PRC1: variants seen among roughly 807,000 people sequenced by gnomAD.
PRC1 encodes the protein anaphase spindle elongation 1 homolog.
In PRC1, 54 loss-of-function variants were observed where a neutral mutation model predicts 91.2. The ratio of observed to expected loss-of-function variants is 0.59; its 90% CI spans 0.48 to 0.74. The LOEUF (loss-of-function observed/expected upper bound fraction) is 0.74. PRC1 is among the 30% of genes least tolerant of loss of function. The pLI is 0.00. For missense variants in PRC1, 727 were observed against 746.2 expected, an observed-to-expected ratio of 0.97 and a Z score of 0.30; for synonymous variants, 275 against 263.6, an observed-to-expected ratio of 1.04 and a Z score of -0.42.
chr15:90,972,591 T>C (rs2038253676), intron 11 of PRC1, among the ~76,000 whole-genome samples: 1 of 151,260 alleles, frequency 6.6e-6, no homozygotes, highest in Non-Finnish European at 1.5e-5. Flanking sequence ...AATACAATAT[T>C]AGCCGGGTGT....
chr15:90,981,591 T>C lies in PRC1; in HGVS notation c.580A>G (p.Thr194Ala), dbSNP rs767529834. The change falls in exon 5 of 15, where the codon ACA (threonine) becomes GCA (alanine). Residue 194 changes from threonine (T) to alanine (A), a missense_variant. Coordinates refer to ENST00000394249, the MANE Select transcript of PRC1 (RefSeq NM_003981.4). ...CACACCACATCTCTTTCAAAGCTTG[T>C]GTCTGGGGTGTGGTCTAATGCTTCC... ...CMEALDHTPD[T>A]SFERDVVCED... 7 of 1,614,044 alleles carry C rather than the reference T, an allele frequency of 4.3e-6. No individual in the cohort carries two copies. The highest frequency in any genetic ancestry group is 5.9e-6 in the Non-Finnish European group (7 of 1,179,966).
rs1483057624 is a variant in PRC1, at chr15:90,976,679, G to A, written c.1200C>T (p.Pro400=). The change falls in exon 9 of 15, where the codon CCC becomes CCT. Residue 400 remains proline (P), a synonymous_variant. Transcript: ENST00000394249. ...AAACCCTTAGCAACATTATTACCTT[G>A]GGCAGCATTTTCTGGAGCTTGGCTC... The part of the protein sequence containing the change: ...KQRAKLQKML[P]KLEEELKARI... The A allele has an allele frequency of 3.7e-6, 6 of 1,606,640 alleles. No homozygotes were observed. The highest frequency in any genetic ancestry group is 5.1e-6 in the Non-Finnish European group (6 of 1,173,566).
chr15:90,982,184 T>C lies in PRC1; in HGVS notation c.268-203A>G, dbSNP rs11855081. The C allele has an allele frequency of 0.074, 43,617 of 589,790 alleles. 3,629 individuals are homozygous for C. The highest frequency in any genetic ancestry group is 0.32 in the African/African-American group (16,925 of 53,646). 36.5% of individuals were successfully genotyped at this position (589,790 alleles called of 1,614,324 possible). A position where few individuals can be genotyped will look rare whatever the true frequency, so the allele number is the denominator to read the frequency against. On this transcript the variant is annotated intron_variant, in intron 3 of 14. Coordinates refer to ENST00000394249, the MANE Select transcript of PRC1 (RefSeq NM_003981.4). ...AAGTGAGTAAGTACCAGGGTACTTT[T>C]CCCCCCAATTTTAAAACTTGTGGTA...
In PRC1 at chr15:90,966,733, A is replaced by C. The variant is rs546281310; in HGVS notation, c.*398T>G. The C allele has an allele frequency of 6.7e-6, 3 of 445,966 alleles. No homozygotes were observed. Among genetic ancestry groups the C allele is most frequent in the South Asian group, 4.8e-5 (3 of 62,790 alleles). The allele number at this position is 445,966 out of a possible 1,614,324, so 27.6% of individuals were successfully genotyped here. A position where few individuals can be genotyped will look rare whatever the true frequency, so the allele number is the denominator to read the frequency against. ...TTAATTGAACATGCCTAAACAAAAAAGATGTTAATTACTAGTTACAGGTAT... is the reference window on the plus strand; with the variant it reads ...TTAATTGAACATGCCTAAACAAAAACGATGTTAATTACTAGTTACAGGTAT... On this transcript the variant is annotated 3_prime_UTR_variant, in exon 15 of 15. Coordinates refer to ENST00000394249, the MANE Select transcript of PRC1 (RefSeq NM_003981.4).
chr15:90,984,903 A>C lies in PRC1; in HGVS notation c.12-78T>G. 6.4e-7 allele frequency: 1 copy of C among 1,554,382 alleles called. No homozygotes were observed. The highest frequency in any genetic ancestry group is 8.7e-7 in the Non-Finnish European group (1 of 1,148,460). On this transcript the variant is annotated intron_variant, in intron 1 of 14. Transcript: ENST00000394249. This position sits in a 1 kb window ranked among gnomAD's most constrained non-coding sequence, Gnocchi z 5.1. Reference sequence around the variant, plus strand: ...TAAAAGCACTATTTTCGAGAACTAAAAAGACTAGCTTCTCAGTGGCCTCGA... The same window carrying C: ...TAAAAGCACTATTTTCGAGAACTAACAAGACTAGCTTCTCAGTGGCCTCGA...
chr15:90,975,632 T>G (rs1486566196), intron 9 of PRC1, among the ~76,000 whole-genome samples: 2 of 152,176 alleles, frequency 1.3e-5, no homozygotes, highest in Non-Finnish European at 2.9e-5. Flanking sequence ...AATTCAAATG[T>G]TGAAGCCTTA....
chr15:90,968,548 GA>G lies in PRC1; in HGVS notation c.1791+530del, dbSNP rs2037748249. ...ATACTAGGAAGTGAAGAGCATTCTG[GA>G]AAAACTTGCTTCCAGTGCTTCATCT... On this transcript the variant is annotated intron_variant, in intron 14 of 14. Transcript: ENST00000394249. The G allele has an allele frequency of 4.0e-6, 4 of 991,034 alleles. No homozygotes were observed. The South Asian group carries it at 1.8e-4, about 45-fold the overall frequency. The allele number at this position is 991,034 out of a possible 1,614,324, so 61.4% of individuals were successfully genotyped here.
chr15:90,966,090 A>G lies in PRC1; in HGVS notation c.*1041T>C, dbSNP rs1355414501. 1 of 152,338 alleles carries G rather than the reference A, an allele frequency of 6.6e-6. No individual in the cohort carries two copies. Among genetic ancestry groups the G allele is most frequent in the African/African-American group, 2.4e-5 (1 of 41,470 alleles). 9.4% of individuals were successfully genotyped at this position (152,338 alleles called of 1,614,324 possible). ...TTAATTTATTTTTAAGAATAATTGT[A>G]TATTTTAAAAACAGGACACGTACTG... On this transcript the variant is annotated 3_prime_UTR_variant, in exon 15 of 15. Coordinates refer to ENST00000394249, the MANE Select transcript of PRC1 (RefSeq NM_003981.4).
At position 90,972,260 on chromosome 15, in the gene PRC1, G is replaced by GTC. The variant is rs549999310; in HGVS notation, c.1462-1747_1462-1746insGA. ...TAGCCGGGTATGGTGGCATGTGCCC[G>GTC]TAAGTCTCAGCTACATGGGAGGCTG... On this transcript the variant is annotated intron_variant, in intron 11 of 14. Coordinates refer to ENST00000394249, the MANE Select transcript of PRC1 (RefSeq NM_003981.4). Among the ~76,000 whole-genome samples the GTC allele has an allele frequency of 3.3e-5, 5 of 149,920 alleles. No individual in the cohort carries two copies. The South Asian group carries it at 1.1e-3, about 32-fold the overall frequency.
intron 14 of PRC1, chr15:90,968,381 A>T (rs2037727025): frequency 1.0e-6 from 1 of 985,388 alleles, no homozygotes; most frequent in Admixed American, 6.2e-5. Context: ...AGCAATTAAG[A>T]GGGGAGGCAG....
rs1567186201 is a variant in PRC1, at chr15:90,974,456, C to CGGCTCCCCGTTCCACAAGCCCCGGTCCCT, written c.1350+128_1350+129insAGGGACCGGGGCTTGTGGAACGGGGAGCC. On this transcript the variant is annotated intron_variant, in intron 10 of 14. Coordinates refer to ENST00000394249, the MANE Select transcript of PRC1 (RefSeq NM_003981.4). The surrounding 1 kb of genome is among the most constrained non-coding windows in gnomAD (Gnocchi z 4.6). Reference sequence around the variant, plus strand: ...TCCCCGTTCCACAAGCCCCGGTCCCCGGCTTCCCGTTCCACAAGCCCCGGT... The same window carrying CGGCTCCCCGTTCCACAAGCCCCGGTCCCT: ...TCCCCGTTCCACAAGCCCCGGTCCCCGGCTCCCCGTTCCACAAGCCCCGGTCCCTGGCTTCCCGTTCCACAAGCCCCGGT... 9.4e-6 allele frequency: 13 copies of CGGCTCCCCGTTCCACAAGCCCCGGTCCCT among 1,375,934 alleles called. No homozygotes were observed. In the African/African-American group the frequency reaches 1.7e-4, roughly 18 times the overall value. The allele number at this position is 1,375,934 out of a possible 1,614,324, so 85.2% of individuals were successfully genotyped here. A position where few individuals can be genotyped will look rare whatever the true frequency, so the allele number is the denominator to read the frequency against.
chr15:90,969,153 A>T lies in PRC1; in HGVS notation c.1750-33T>A, dbSNP rs779223529. ...CAAAGAATTAAGACAATTACCAAGAACTCCACCAAGAGAGCACCAGGACAG... is the reference window on the plus strand; with the variant it reads ...CAAAGAATTAAGACAATTACCAAGATCTCCACCAAGAGAGCACCAGGACAG... On this transcript the variant is annotated intron_variant, in intron 13 of 14. Transcript: ENST00000394249. 4 of 1,590,194 alleles carry T rather than the reference A, an allele frequency of 2.5e-6. No homozygotes were observed. The African/African-American group carries it at 5.4e-5, about 21-fold the overall frequency.
chr15:90,978,668 A>G (rs7167128), intron 8 of PRC1, among the ~76,000 whole-genome samples: 80,535 of 149,844 alleles, frequency 0.54, 26,214 homozygotes, highest in East Asian at 0.99. Context: ...TAGGAGAATC[A>G]CTTCAACCTG....
At chr15:90,989,676 GA>G (rs559111488) in intron 1 of PRC1, among the ~76,000 whole-genome samples, 19 of 144,498 alleles carry the variant, frequency 1.3e-4, no homozygotes, top group South Asian at 4.3e-4. Flanking sequence ...GCCAAAAAGT[GA>G]AAAAAAAAAT....
intron 11 of PRC1, chr15:90,973,092 G>A (rs889802020): frequency 6.6e-6 from 1 of 152,340 alleles, no homozygotes; most frequent in African/African-American, 2.4e-5. Flanking sequence ...ATCTCTGCAG[G>A]ACAGAGGGCA....
rs141375041 is a variant in PRC1, at chr15:90,973,799, G to C, written c.1461+337C>G. ...TTCCCTTGAACTTATTTGTGACACA[G>C]ATTCCTTTGCTCACGTTTTCCTGCT... On this transcript the variant is annotated intron_variant, in intron 11 of 14. Transcript: ENST00000394249. Among the ~76,000 whole-genome samples the C allele has an allele frequency of 3.9e-3, 588 of 152,174 alleles. 8 individuals carry two copies. The highest frequency in any genetic ancestry group is 0.014 in the African/African-American group (566 of 41,516).
rs192638360 is a variant in PRC1 at position 90,966,921 on chromosome 15, A to C, written c.*210T>G. ...TTCTTGCCATAAACTTTTCATGTAT[A>C]TAAGTCAAAACCAAGTCTCCTAGGA... On this transcript the variant is annotated 3_prime_UTR_variant, in exon 15 of 15. Coordinates refer to ENST00000394249, the MANE Select transcript of PRC1 (RefSeq NM_003981.4). 6.8e-6 allele frequency: 4 copies of C among 585,750 alleles called. No homozygotes were observed. Among genetic ancestry groups the C allele is most frequent in the Non-Finnish European group, 1.2e-5 (4 of 329,144 alleles). 36.3% of individuals were successfully genotyped at this position (585,750 alleles called of 1,614,324 possible).
At chr15:90,967,306 TTC>T (rs2037590040) in intron 14 of PRC1, 104 bp from the exon 15 acceptor site, 1 of 898,006 alleles carries the variant, frequency 1.1e-6, no homozygotes, top group Non-Finnish European at 1.8e-6. Context: ...TGAAGGTAGT[TTC>T]TCTGAGATCC....
At position 90,984,273 on chromosome 15, in the gene PRC1, G is replaced by T; in HGVS notation, c.145-133C>A. ...AGATGGAGTCTCGCTCTGTTGCCCA[G>T]GCTGGAGTGCAATGGCGTGCTTTCG... is the stretch of plus-strand genomic sequence containing the variant. On this transcript the variant is annotated intron_variant, in intron 2 of 14. Coordinates refer to ENST00000394249, the MANE Select transcript of PRC1 (RefSeq NM_003981.4). The surrounding 1 kb of genome is among the most constrained non-coding windows in gnomAD (Gnocchi z 5.1). 7.9e-7 allele frequency: 1 copy of T among 1,261,568 alleles called. No individual in the cohort carries two copies. Among genetic ancestry groups the T allele is most frequent in the South Asian group, 1.4e-5 (1 of 69,682 alleles). 78.1% of individuals were successfully genotyped at this position (1,261,568 alleles called of 1,614,324 possible). A position where few individuals can be genotyped will look rare whatever the true frequency, so the allele number is the denominator to read the frequency against.
Sources: allele counts gnomAD v4.1 joint callset (sites outside exome capture counted in the v4.1 genomes callset), GRCh38; gene constraint gnomAD v4.1.1; non-coding constraint Gnocchi (gnomAD v3.1); transcripts MANE v1.5; gene names NCBI Gene and HGNC (gene_info 2026-07-23, HGNC 2026-07-21).